The following TMCC3 variants were observed in gnomAD, a reference collection of about 807,000 sequenced individuals.
TMCC3 encodes the protein transmembrane and coiled-coil domain protein 3.
Under a neutral mutation model 40.2 loss-of-function variants are expected in TMCC3, and 28 were observed. That is an observed-to-expected ratio of 0.70 (90% CI 0.52 to 0.95). TMCC3 has a LOEUF of 0.95. TMCC3 is among the 40% of genes least tolerant of loss of function. The probability of loss-of-function intolerance (pLI) is 0.00; values close to 1 mark genes in which losing one functional copy is unlikely to be tolerated. For synonymous variants in TMCC3, 255 were observed against 248.5 expected, an observed-to-expected ratio of 1.03 and a Z score of -0.25; for missense variants, 554 against 615.2, an observed-to-expected ratio of 0.90 and a Z score of 1.05.
intron 3 of TMCC3, among the ~76,000 whole-genome samples, chr12:94,577,434 C>G (rs1054249582): frequency 6.6e-6 from 1 of 152,122 alleles, no homozygotes; most frequent in African/African-American, 2.4e-5. Flanking sequence ...GTGACCCAAC[C>G]GCCTTGGCCT....
intron 1 of TMCC3, among the ~76,000 whole-genome samples, chr12:94,641,494 G>A (rs749028851): frequency 6.6e-5 from 10 of 152,148 alleles, no homozygotes; most frequent in Middle Eastern, 3.2e-3. Context: ...TTTCTAGGGG[G>A]ACGCTTCACT....
chr12:94,580,524 C>T (rs2068593866), intron 2 of TMCC3, among the ~76,000 whole-genome samples: 2 of 152,130 alleles, frequency 1.3e-5, no homozygotes, highest in South Asian at 4.1e-4. Context: ...CACCTGAGGT[C>T]AGGTGTTTGA....
chr12:94,585,203 T>C (rs982258736), intron 1 of TMCC3, among the ~76,000 whole-genome samples: 1 of 152,118 alleles, frequency 6.6e-6, no homozygotes, highest in African/African-American at 2.4e-5. Flanking sequence ...TTAGCAGGCA[T>C]TAGGAAGGAC....
intron 1 of TMCC3, among the ~76,000 whole-genome samples, chr12:94,634,539 G>C (rs1196097663): frequency 6.6e-6 from 1 of 152,138 alleles, no homozygotes; most frequent in Non-Finnish European, 1.5e-5. Flanking sequence ...TTTGAGCCCT[G>C]AGTACTTCAA....
At position 94,636,201 on chromosome 12, in the gene TMCC3, T is replaced by G. The variant is rs139164689; in HGVS notation, c.78+14152A>C. The stretch of plus-strand genomic sequence containing the variant: ...GCCCTGGGATAACTGTATAGACATC[T>G]GAAAAGGAATTGAATAATTCTAACT... On this transcript the variant is annotated intron_variant, in intron 1 of 3. Transcript: ENST00000261226. 2.9e-3 allele frequency among the ~76,000 whole-genome samples: 436 copies of G among 152,306 alleles called. 1 individual carries two copies. The highest frequency in any genetic ancestry group is 9.7e-3 in the African/African-American group (405 of 41,568).
intron 1 of TMCC3, among the ~76,000 whole-genome samples, chr12:94,648,291 G>A (rs2069031880): frequency 1.3e-5 from 2 of 151,860 alleles, no homozygotes; most frequent in South Asian, 4.2e-4. Context: ...AGGCTGACGC[G>A]ATCTCGGTTC....
At chr12:94,620,157 G>A (rs770887835) in intron 1 of TMCC3, among the ~76,000 whole-genome samples, 39 of 151,496 alleles carry the variant, frequency 2.6e-4, no homozygotes, top group Non-Finnish European at 4.4e-4. Flanking sequence ...AAGCGAGACT[G>A]TCTCAAGAAA....
At chr12:94,622,086 C>T (rs2068878753) in intron 1 of TMCC3, among the ~76,000 whole-genome samples, 1 of 152,182 alleles carries the variant, frequency 6.6e-6, no homozygotes, top group Non-Finnish European at 1.5e-5. Context: ...ATTTCTTGGT[C>T]AAATATTAGT....
chr12:94,573,646 A>T (rs2068546428), intron 3 of TMCC3, among the ~76,000 whole-genome samples: 1 of 152,152 alleles, frequency 6.6e-6, no homozygotes, highest in Non-Finnish European at 1.5e-5. Context: ...TGGCACAGTC[A>T]GAGCTCACTT....
At chr12:94,631,828 C>T (rs535056252) in intron 1 of TMCC3, among the ~76,000 whole-genome samples, 50 of 152,310 alleles carry the variant, frequency 3.3e-4, no homozygotes, top group African/African-American at 5.5e-4. Flanking sequence ...TGGAAACTGA[C>T]GCTCCAAACT....
chr12:94,649,383 C>G (rs2069039576), intron 1 of TMCC3, among the ~76,000 whole-genome samples: 1 of 152,208 alleles, frequency 6.6e-6, no homozygotes, highest in African/African-American at 2.4e-5. Flanking sequence ...CCGGCTCTCC[C>G]TCCGTGAACT....
At chr12:94,596,659 T>A (rs1006963176) in intron 1 of TMCC3, among the ~76,000 whole-genome samples, 38 of 152,062 alleles carry the variant, frequency 2.5e-4, no homozygotes, top group African/African-American at 8.4e-4. Context: ...AGAAGGATCA[T>A]CTATCATCTA....
At chr12:94,609,877 A>G (rs1170292721) in intron 1 of TMCC3, 1 of 152,202 alleles carries the variant, frequency 6.6e-6, no homozygotes, top group Non-Finnish European at 1.5e-5. Flanking sequence ...AGATGAGGAT[A>G]CTTATCTTCT....
chr12:94,574,397 A>AAC (rs1449193774), intron 3 of TMCC3, among the ~76,000 whole-genome samples: 1 of 151,808 alleles, frequency 6.6e-6, no homozygotes, highest in Non-Finnish European at 1.5e-5. Flanking sequence ...AAAAACAAAA[A>AAC]AAAAAAACAG....
intron 1 of TMCC3, among the ~76,000 whole-genome samples, chr12:94,597,120 A>AATATATATATATATATATATAT (rs768080145): frequency 7.3e-4 from 4 of 5,484 alleles, no homozygotes; most frequent in Admixed American, 2.7e-3. Flanking sequence ...TCTCTATTAA[A>AATATATATATATATATATATAT]ATACATATAT....
chr12:94,614,456 G>A (rs185097819), intron 1 of TMCC3, among the ~76,000 whole-genome samples: 1 of 152,254 alleles, frequency 6.6e-6, no homozygotes, highest in Non-Finnish European at 1.5e-5. Context: ...TGACTAGAAA[G>A]GAACAGGTGG....
At chr12:94,596,232 A>G (rs2068714323) in intron 1 of TMCC3, among the ~76,000 whole-genome samples, 1 of 152,164 alleles carries the variant, frequency 6.6e-6, no homozygotes, top group South Asian at 2.1e-4. Context: ...TTTAATCCTC[A>G]TATCTCCATG....
intron 1 of TMCC3, among the ~76,000 whole-genome samples, chr12:94,636,237 T>G (rs779218140): frequency 1.3e-5 from 2 of 152,206 alleles, no homozygotes; most frequent in Non-Finnish European, 2.9e-5. Context: ...CATTCAAAGA[T>G]TCAAATATAC....
At chr12:94,584,477 A>G (rs1485629913) in intron 1 of TMCC3, among the ~76,000 whole-genome samples, 3 of 152,026 alleles carry the variant, frequency 2.0e-5, no homozygotes, top group African/African-American at 4.8e-5. Context: ...TCTTTATAGC[A>G]ATGTGAGAAC....
Sources: gnomAD v4.1 joint callset for allele counts (sites outside exome capture counted in the v4.1 genomes callset) on GRCh38, gnomAD v4.1.1 for gene constraint, MANE v1.5 for transcripts, NCBI Gene and HGNC (gene_info 2026-07-23, HGNC 2026-07-21) for gene names.